ADORA2B: variants seen among roughly 807,000 people sequenced by gnomAD.
ADORA2B encodes adenosine A2b receptor, also known as adenosine receptor A2b.
ADORA2B carries 18 observed loss-of-function variants against 20.8 expected under a neutral mutation model. That is an observed-to-expected ratio of 0.87 (90% CI 0.60 to 1.29). ADORA2B has a LOEUF of 1.29. ADORA2B is among the 50% of genes most tolerant of loss of function. The probability of loss-of-function intolerance (pLI) is 0.00; values close to 1 mark genes in which losing one functional copy is unlikely to be tolerated. For synonymous variants in ADORA2B, 179 were observed against 178.3 expected (o/e 1.00, Z -0.03); for missense variants, 441 against 422.7 (o/e 1.04, Z -0.38).
chr17:15,874,050 A>G, the ADORA2B span, among the ~76,000 whole-genome samples: 1 of 114,660 alleles, frequency 8.7e-6, no homozygotes, highest in Non-Finnish European at 1.7e-5. Context: ...GTGTATATAT[A>G]TATATATATG....
the ADORA2B span, among the ~76,000 whole-genome samples, chr17:15,907,289 A>T: frequency 6.6e-6 from 1 of 152,076 alleles, no homozygotes; most frequent in East Asian, 1.9e-4. Context: ...CTCATGACTA[A>T]TGATATGCTG....
the ADORA2B span, among the ~76,000 whole-genome samples, chr17:15,938,826 C>T: frequency 3.3e-5 from 5 of 152,276 alleles, no homozygotes; most frequent in East Asian, 3.9e-4. Context: ...CACAGTATTT[C>T]GACTGTATAA....
At chr17:15,893,042 G>A in the ADORA2B span, among the ~76,000 whole-genome samples, 65 of 152,216 alleles carry the variant, frequency 4.3e-4, 1 homozygote, top group East Asian at 0.011. Flanking sequence ...AACACTCTGG[G>A]AAGATATTCT....
chr17:15,871,441 G>T, the ADORA2B span, among the ~76,000 whole-genome samples: 5 of 152,174 alleles, frequency 3.3e-5, no homozygotes, highest in Non-Finnish European at 7.3e-5. Flanking sequence ...AGTTAACCCA[G>T]GAGGCCTGGG....
chr17:15,872,012 G>A, the ADORA2B span, among the ~76,000 whole-genome samples: 6 of 152,218 alleles, frequency 3.9e-5, no homozygotes, highest in African/African-American at 1.4e-4. Flanking sequence ...CCAGGTGAAA[G>A]AGCTGGGTGC....
At chr17:15,951,799 G>C (rs1229355291) in intron 1 of ADORA2B, among the ~76,000 whole-genome samples, 1 of 152,232 alleles carries the variant, frequency 6.6e-6, no homozygotes, top group African/African-American at 2.4e-5. Flanking sequence ...AGATGGAGGT[G>C]GACTTGGTGT....
At chr17:15,920,718 T>TC in the ADORA2B span, among the ~76,000 whole-genome samples, 2 of 102,228 alleles carry the variant, frequency 2.0e-5, no homozygotes, top group East Asian at 5.2e-4. Context: ...AGACTCCGTC[T>TC]CAAAAAAAAA....
At chr17:15,944,666 G>C (rs1969774313), upstream of ADORA2B, among the ~76,000 whole-genome samples, 3 of 152,106 alleles carry the variant, frequency 2.0e-5, no homozygotes, top group African/African-American at 7.2e-5. The surrounding 1 kb of genome is among the most constrained non-coding windows in gnomAD (Gnocchi z 4.8). Flanking sequence ...GCACGAGCGG[G>C]GACTGCGGCC....
intron 1 of ADORA2B, among the ~76,000 whole-genome samples, chr17:15,963,111 T>A (rs973919780): frequency 7.9e-5 from 12 of 152,150 alleles, no homozygotes; most frequent in South Asian, 2.1e-4. Context: ...AGGTTTTTTT[T>A]AATAAAAAAT....
upstream of ADORA2B, among the ~76,000 whole-genome samples, chr17:15,944,526 C>T (rs1969772353): frequency 1.3e-5 from 2 of 152,092 alleles, no homozygotes; most frequent in South Asian, 4.1e-4. The surrounding 1 kb of genome is among the most constrained non-coding windows in gnomAD (Gnocchi z 4.8). Context: ...GTGGCGCGGG[C>T]GAGGGTGGAG....
At chr17:15,956,895 C>T (rs8074681) in intron 1 of ADORA2B, among the ~76,000 whole-genome samples, 8,387 of 152,182 alleles carry the variant, frequency 0.055, 801 homozygotes, top group African/African-American at 0.19. Flanking sequence ...CCACCGCACC[C>T]GGCCTGTGTG....
chr17:15,887,236 C>A, the ADORA2B span, among the ~76,000 whole-genome samples: 1 of 130,086 alleles, frequency 7.7e-6, no homozygotes, highest in Non-Finnish European at 1.6e-5. Flanking sequence ...AAGGGAAGGG[C>A]ACTGCTTCCT....
chr17:15,862,458 A>T, the ADORA2B span, among the ~76,000 whole-genome samples: 2 of 151,758 alleles, frequency 1.3e-5, no homozygotes, highest in Admixed American at 6.6e-5. Flanking sequence ...TGATCTGCCC[A>T]CTTCAGCCTC....
At chr17:15,870,153 C>A in the ADORA2B span, among the ~76,000 whole-genome samples, 2 of 148,356 alleles carry the variant, frequency 1.3e-5, no homozygotes, top group Non-Finnish European at 3.0e-5. Flanking sequence ...AGAAATTTTT[C>A]AGTTAGATGA....
intron 1 of ADORA2B, among the ~76,000 whole-genome samples, chr17:15,966,993 G>C (rs1053631998): frequency 4.6e-5 from 7 of 152,202 alleles, no homozygotes; most frequent in Non-Finnish European, 1.0e-4. Context: ...GGAATGTTTT[G>C]GGGAGATGGA....
chr17:15,868,181 G>C, the ADORA2B span, among the ~76,000 whole-genome samples: 8,717 of 117,800 alleles, frequency 0.074, 343 homozygotes, highest in Non-Finnish European at 0.11. Flanking sequence ...CAGCATGCTC[G>C]TTAAGAGTCA....
chr17:15,926,928 A>T, the ADORA2B span, among the ~76,000 whole-genome samples: 1 of 152,112 alleles, frequency 6.6e-6, no homozygotes. Context: ...CCATGATTGC[A>T]TCTCTGCATT....
the ADORA2B span, among the ~76,000 whole-genome samples, chr17:15,914,685 CTTGT>C: frequency 1.3e-5 from 2 of 152,220 alleles, no homozygotes; most frequent in Non-Finnish European, 2.9e-5. Context: ...TCTTTGCTTG[CTTGT>C]TTGTTTGGAT....
the ADORA2B span, among the ~76,000 whole-genome samples, chr17:15,886,617 A>G: frequency 7.6e-6 from 1 of 131,084 alleles, no homozygotes; most frequent in Admixed American, 7.5e-5. Flanking sequence ...AGAGCTGTGC[A>G]TAGCTGTGAC....
Sources: allele counts gnomAD v4.1 joint callset (sites outside exome capture counted in the v4.1 genomes callset), GRCh38; gene constraint gnomAD v4.1.1; non-coding constraint Gnocchi (gnomAD v3.1); transcripts MANE v1.5; gene names NCBI Gene and HGNC (gene_info 2026-07-23, HGNC 2026-07-21).